The following KSR1 variants were observed in gnomAD, a reference collection of about 807,000 sequenced individuals.
The protein encoded by KSR1 is kinase suppressor of ras.
Under a neutral mutation model 92.9 loss-of-function variants are expected in KSR1, and 35 were observed. That is an observed-to-expected ratio of 0.38 (90% confidence interval 0.29 to 0.50). The LOEUF is 0.50. Among genes scored for constraint, KSR1 ranks in the 20% least tolerant of loss-of-function variants. The probability of loss-of-function intolerance (pLI) is 0.94; values close to 1 mark genes in which losing one functional copy is unlikely to be tolerated. For missense variants in KSR1, 972 were observed against 1,158.5 expected, an observed-to-expected ratio of 0.84 and a Z score of 2.34; for synonymous variants, 467 against 472.6, an observed-to-expected ratio of 0.99 and a Z score of 0.15.
At chr17:27,582,615 A>C in intron 3 of KSR1, 31 bp from the exon 4 acceptor site, 1 of 1,572,216 alleles carries the variant, frequency 6.4e-7, no homozygotes, top group African/African-American at 1.3e-5. Context: ...TCCAGCCCTG[A>C]CCATCTGTGA....
chr17:27,567,063 C>T (rs1015016706), intron 2 of KSR1, among the ~76,000 whole-genome samples: 10 of 152,172 alleles, frequency 6.6e-5, no homozygotes, highest in African/African-American at 2.4e-4. Flanking sequence ...GTAACTTAAT[C>T]TCTATGAAGC....
chr17:27,524,864 G>T (rs2070195004), intron 1 of KSR1, among the ~76,000 whole-genome samples: 1 of 152,172 alleles, frequency 6.6e-6, no homozygotes, highest in Non-Finnish European at 1.5e-5. Flanking sequence ...GAGTGGCAGT[G>T]GTGGTGTGGA....
chr17:27,469,116 C>T (rs1419948849), intron 1 of KSR1, among the ~76,000 whole-genome samples: 1 of 152,160 alleles, frequency 6.6e-6, no homozygotes, highest in Non-Finnish European at 1.5e-5. Context: ...CGGGCAAACC[C>T]TCATTTCTGC....
At chr17:27,593,422 C>T (rs2073234629) in intron 9 of KSR1, among the ~76,000 whole-genome samples, 1 of 152,152 alleles carries the variant, frequency 6.6e-6, no homozygotes, top group Non-Finnish European at 1.5e-5. Flanking sequence ...CAGCCCCAGA[C>T]CAGGGGCTTA....
chr17:27,490,730 A>T (rs988503940), intron 1 of KSR1, among the ~76,000 whole-genome samples: 7 of 152,322 alleles, frequency 4.6e-5, no homozygotes, highest in Middle Eastern at 3.4e-3. Context: ...GACCCCTGTA[A>T]ATTACCATCA....
rs146567840 is a variant in KSR1, at chr17:27,623,294, G to A, written c.2709-20G>A. The A allele has an allele frequency of 4.5e-4, 341 of 762,390 alleles. 3 individuals carry two copies. In the East Asian group the frequency reaches 8.0e-3, roughly 18 times the overall value. 47.2% of individuals were successfully genotyped at this position (762,390 alleles called of 1,614,324 possible). ...GAAGATCAATGGGGCTATAATTCTTGTTTTTGTTCCTCTTTGCAGCATTAA... is the reference window on the plus strand; with the variant it reads ...GAAGATCAATGGGGCTATAATTCTTATTTTTGTTCCTCTTTGCAGCATTAA... On this transcript the variant is annotated intron_variant, in intron 20 of 20. Transcript: ENST00000644974.
intron 1 of KSR1, among the ~76,000 whole-genome samples, chr17:27,506,032 C>T (rs1488318991): frequency 1.3e-5 from 2 of 152,222 alleles, no homozygotes; most frequent in African/African-American, 4.8e-5. Context: ...GCATTGCCTA[C>T]ACACCATAAG....
chr17:27,488,749 A>G (rs920428310), intron 1 of KSR1, among the ~76,000 whole-genome samples: 1 of 152,164 alleles, frequency 6.6e-6, no homozygotes, highest in East Asian at 1.9e-4. Flanking sequence ...GTGGATCATG[A>G]GGTCAAGAGA....
At chr17:27,489,958 G>A (rs1428985498) in intron 1 of KSR1, among the ~76,000 whole-genome samples, 1 of 152,214 alleles carries the variant, frequency 6.6e-6, no homozygotes, top group Non-Finnish European at 1.5e-5. Context: ...GCATACAATT[G>A]GTTCAAAGAG....
chr17:27,550,295 G>A (rs960345792), intron 1 of KSR1, among the ~76,000 whole-genome samples: 27 of 152,208 alleles, frequency 1.8e-4, no homozygotes, highest in African/African-American at 6.5e-4. Context: ...TCTCTGTTCT[G>A]ACCAGTGTTG....
intron 1 of KSR1, chr17:27,527,019 T>C: frequency 2.0e-6 from 1 of 496,040 alleles, no homozygotes; most frequent in South Asian, 2.3e-5. Context: ...CTTCAGCTGT[T>C]TGAAATCCGG....
intron 1 of KSR1, among the ~76,000 whole-genome samples, chr17:27,471,844 C>T (rs529750675): frequency 6.6e-6 from 1 of 152,262 alleles, no homozygotes; most frequent in Admixed American, 6.5e-5. Context: ...AATGAAGGCT[C>T]ATCAGGCCGC....
At chr17:27,593,504 A>G (rs1235171717) in intron 9 of KSR1, among the ~76,000 whole-genome samples, 1 of 152,236 alleles carries the variant, frequency 6.6e-6, no homozygotes, top group African/African-American at 2.4e-5. Flanking sequence ...TCAGGCCGGA[A>G]GAGAAAGACA....
Position 27,582,759 on chromosome 17 carries a change from A to T in KSR1, c.634A>T (p.Ser212Cys). 1 of 1,613,564 alleles carries T rather than the reference A, an allele frequency of 6.2e-7. No individual in the cohort carries two copies. Residue 212 changes from serine (S) to cysteine (C), a missense_variant, in exon 4 of 21, where the codon AGC becomes TGC. Coordinates refer to ENST00000644974, the MANE Select transcript of KSR1 (RefSeq NM_001394583.1). Reference sequence around the variant, plus strand: ...AGCCAGCCTGCCCTGGCCCCCAGGGAGCTCCCAGCTGGGCAGAGCAGGCAA... The same window carrying T: ...AGCCAGCCTGCCCTGGCCCCCAGGGTGCTCCCAGCTGGGCAGAGCAGGCAA... ...SAASLPWPPG[S>C]SQLGRAGNSA...
chr17:27,548,658 C>T (rs551134079), intron 1 of KSR1, among the ~76,000 whole-genome samples: 7 of 152,120 alleles, frequency 4.6e-5, no homozygotes, highest in South Asian at 2.1e-4. Flanking sequence ...GGCGAAAACC[C>T]GTCTCTACTA....
intron 1 of KSR1, chr17:27,526,368 A>G: frequency 7.0e-7 from 1 of 1,438,136 alleles, no homozygotes; most frequent in Admixed American, 2.4e-5. Flanking sequence ...TAATTACAAG[A>G]GAGCCACCCC....
chr17:27,586,340 T>C (rs1424764869), intron 5 of KSR1, among the ~76,000 whole-genome samples: 3 of 152,208 alleles, frequency 2.0e-5, no homozygotes, highest in Non-Finnish European at 4.4e-5. Flanking sequence ...TGTCTGGAAA[T>C]GCAGAGATGT....
rs2072552303 is a variant in KSR1 at position 27,577,415 on chromosome 17, AG to A, written c.373-75del. The A allele has an allele frequency of 3.4e-6, 3 of 886,230 alleles. No homozygotes were observed. The highest frequency in any genetic ancestry group is 5.2e-6 in the Non-Finnish European group (3 of 574,742). 54.9% of individuals were successfully genotyped at this position (886,230 alleles called of 1,614,324 possible). On this transcript the variant is annotated intron_variant, in intron 2 of 20. Coordinates refer to ENST00000644974, the MANE Select transcript of KSR1 (RefSeq NM_001394583.1). This position sits in a 1 kb window ranked among gnomAD's most constrained non-coding sequence, Gnocchi z 4.5. Reference sequence around the variant, plus strand: ...CAGCTGGCCCCTGCCACTCAGCAGGAGGCCAGCCTGAGGCTGAGGGGCTCCC... The same window carrying A: ...CAGCTGGCCCCTGCCACTCAGCAGGAGCCAGCCTGAGGCTGAGGGGCTCCC...
In KSR1 at chr17:27,604,735, G is replaced by A. The variant is rs369310666; in HGVS notation, c.1614+7G>A. 5.8e-5 allele frequency: 94 copies of A among 1,613,842 alleles called. No homozygotes were observed. The African/African-American group carries it at 9.5e-4, about 16-fold the overall frequency. On this transcript the variant is annotated splice_region_variant and intron_variant, in intron 13 of 20. Transcript: ENST00000644974. ...GGAAGCTCACGAAGCGGAGGTGAGG[G>A]TGACACACACGTGTCCACAGATGGC...
Sources: gnomAD v4.1 joint callset for allele counts (sites outside exome capture counted in the v4.1 genomes callset) on GRCh38, gnomAD v4.1.1 for gene constraint, Gnocchi (gnomAD v3.1) non-coding constraint, MANE v1.5 for transcripts, NCBI Gene and HGNC (gene_info 2026-07-23, HGNC 2026-07-21) for gene names.